CD226: variants seen among roughly 807,000 people sequenced by gnomAD.
CD226 encodes the protein CD226 molecule.
CD226 carries 24 observed loss-of-function variants against 34.9 expected under a neutral mutation model. The observed-to-expected ratio is 0.69, with a 90% confidence interval of 0.50 to 0.97. The LOEUF is 0.97. Among genes scored for constraint, CD226 ranks in the 50% least tolerant of loss-of-function variants. The pLI is 0.00. For synonymous variants in CD226, 148 were observed against 147.4 expected, an observed-to-expected ratio of 1.00 and a Z score of -0.03; for missense variants, 397 against 412.7, an observed-to-expected ratio of 0.96 and a Z score of 0.33.
At chr18:69,903,046 A>C (rs1448901629) in intron 2 of CD226, among the ~76,000 whole-genome samples, 1 of 152,220 alleles carries the variant, frequency 6.6e-6, no homozygotes, top group Non-Finnish European at 1.5e-5. Flanking sequence ...AAGAAATAGA[A>C]AGGCAAGTTC....
intron 3 of CD226, among the ~76,000 whole-genome samples, chr18:69,890,011 T>A (rs1250166070): frequency 1.3e-5 from 2 of 152,238 alleles, no homozygotes; most frequent in Non-Finnish European, 2.9e-5. Flanking sequence ...CAAGAGTTCA[T>A]GAAAGTTTTT....
intron 3 of CD226, among the ~76,000 whole-genome samples, chr18:69,892,850 A>G (rs549871330): frequency 6.6e-6 from 1 of 152,312 alleles, no homozygotes; most frequent in East Asian, 1.9e-4. Context: ...TGTGCTATAA[A>G]AGAAGTCATT....
intron 4 of CD226, among the ~76,000 whole-genome samples, chr18:69,869,482 A>G (rs1319439906): frequency 6.6e-6 from 1 of 152,138 alleles, no homozygotes; most frequent in Non-Finnish European, 1.5e-5. Flanking sequence ...AGACGGGAAC[A>G]ACACACACTG....
chr18:69,931,252 G>A (rs1247672329), intron 2 of CD226, among the ~76,000 whole-genome samples: 2 of 152,024 alleles, frequency 1.3e-5, no homozygotes, highest in Non-Finnish European at 2.9e-5. Context: ...AGAGGGGGGA[G>A]GGATAGCATT....
At chr18:69,938,405 T>C (rs919949153) in intron 2 of CD226, among the ~76,000 whole-genome samples, 3 of 152,208 alleles carry the variant, frequency 2.0e-5, no homozygotes, top group Non-Finnish European at 4.4e-5. Flanking sequence ...GACCTTAGAC[T>C]TCTGCCCCCA....
intron 4 of CD226, among the ~76,000 whole-genome samples, chr18:69,870,952 C>A (rs142574120): frequency 1.3e-5 from 2 of 152,340 alleles, no homozygotes; most frequent in Non-Finnish European, 2.9e-5. Context: ...GTGCTTTTCC[C>A]TTGTGGTGTG....
At chr18:69,866,398 GT>G (rs1983146382) in intron 5 of CD226, among the ~76,000 whole-genome samples, 1 of 152,132 alleles carries the variant, frequency 6.6e-6, no homozygotes, top group Admixed American at 6.5e-5. Context: ...CCAGAAGGAA[GT>G]TTCTAGTCTT....
chr18:69,938,061 C>A (rs1449420582), intron 2 of CD226, among the ~76,000 whole-genome samples: 1 of 152,128 alleles, frequency 6.6e-6, no homozygotes, highest in Non-Finnish European at 1.5e-5. Flanking sequence ...GAGCCTCATC[C>A]CACCTGGGAG....
chr18:69,914,691 T>C (rs1255510952), intron 2 of CD226, among the ~76,000 whole-genome samples: 1 of 152,188 alleles, frequency 6.6e-6, no homozygotes, highest in Non-Finnish European at 1.5e-5. Flanking sequence ...GAAATGTTCA[T>C]GCTCTAAAGT....
At chr18:69,934,718 T>G (rs2055631142) in intron 2 of CD226, among the ~76,000 whole-genome samples, 1 of 152,158 alleles carries the variant, frequency 6.6e-6, no homozygotes, top group Admixed American at 6.5e-5. Context: ...CAGGAAAAAT[T>G]TTCTCACATT....
chr18:69,889,060 T>A (rs1044647571), intron 3 of CD226, among the ~76,000 whole-genome samples: 4 of 151,624 alleles, frequency 2.6e-5, no homozygotes, highest in African/African-American at 7.3e-5. Context: ...TTAAAAAAAA[T>A]GATCTGGGCA....
At chr18:69,948,610 C>T (rs1369642970), upstream of CD226, among the ~76,000 whole-genome samples, 1 of 152,144 alleles carries the variant, frequency 6.6e-6, no homozygotes, top group Non-Finnish European at 1.5e-5. Context: ...GTAATGTGTA[C>T]ATATAATCAA....
At chr18:69,914,476 A>G (rs2055362271) in intron 2 of CD226, among the ~76,000 whole-genome samples, 1 of 152,124 alleles carries the variant, frequency 6.6e-6, no homozygotes, top group Non-Finnish European at 1.5e-5. Flanking sequence ...CCAGTTTCCA[A>G]TTTTCTCACT....
intron 2 of CD226, among the ~76,000 whole-genome samples, chr18:69,912,261 C>T (rs1260086282): frequency 6.6e-6 from 1 of 152,210 alleles, no homozygotes; most frequent in Admixed American, 6.5e-5. Flanking sequence ...ATGCCTAAAA[C>T]ACCAAAAGCA....
chr18:69,889,993 T>C (rs1174801936), intron 3 of CD226, among the ~76,000 whole-genome samples: 1 of 152,248 alleles, frequency 6.6e-6, no homozygotes, highest in Non-Finnish European at 1.5e-5. Context: ...GAAAGTTATA[T>C]ATGTAAACAA....
intron 4 of CD226, among the ~76,000 whole-genome samples, chr18:69,871,982 T>C (rs1983550742): frequency 6.6e-6 from 1 of 151,720 alleles, no homozygotes; most frequent in African/African-American, 2.4e-5. Context: ...GGAGCAGTGA[T>C]GACAGCTGCT....
chr18:69,916,055 C>A (rs930383981), intron 2 of CD226, among the ~76,000 whole-genome samples: 2 of 151,600 alleles, frequency 1.3e-5, no homozygotes, highest in African/African-American at 4.9e-5. Context: ...TTTTGCCTGT[C>A]AATAGATTCA....
At chr18:69,940,648 G>C (rs901939913) in intron 2 of CD226, among the ~76,000 whole-genome samples, 1 of 152,184 alleles carries the variant, frequency 6.6e-6, no homozygotes, top group African/African-American at 2.4e-5. Flanking sequence ...ACTTGAGAGA[G>C]ATAATTTAGG....
At chr18:69,887,844 A>C (rs762377024) in intron 3 of CD226, among the ~76,000 whole-genome samples, 1 of 152,248 alleles carries the variant, frequency 6.6e-6, no homozygotes, top group African/African-American at 2.4e-5. Context: ...TTTATTTTAT[A>C]AAAGTTGCAC....
Sources: allele counts gnomAD v4.1 joint callset (sites outside exome capture counted in the v4.1 genomes callset), GRCh38; gene constraint gnomAD v4.1.1; transcripts MANE v1.5; gene names NCBI Gene and HGNC (gene_info 2026-07-23, HGNC 2026-07-21).